Variants in NTRK2 observed in about 807,000 individuals in gnomAD.
NTRK2 encodes neurotrophic receptor tyrosine kinase 2, also known as BDNF/NT-3 growth factors receptor.
A neutral mutation model predicts 94.5 loss-of-function variants in NTRK2; 13 were observed. That is an observed-to-expected ratio of 0.14 (90% CI 0.09 to 0.22). The LOEUF is 0.22. NTRK2 is among the 10% of genes least tolerant of loss of function. The pLI is 1.00. For synonymous variants in NTRK2, 372 were observed against 407.4 expected, an observed-to-expected ratio of 0.91 and a Z score of 1.05; for missense variants, 639 against 1,071.2, an observed-to-expected ratio of 0.60 and a Z score of 5.63.
intron 2 of NTRK2, among the ~76,000 whole-genome samples, chr9:84,692,835 C>T (rs2060133715): frequency 7.2e-6 from 1 of 139,680 alleles, no homozygotes; most frequent in East Asian, 2.1e-4. Flanking sequence ...TTAGAGATTG[C>T]TATGCATGGG....
At position 84,768,884 on chromosome 9, in the gene NTRK2, G is replaced by T. The variant is rs1374560464; in HGVS notation, c.1396+16799G>T. Among the ~76,000 whole-genome samples the T allele has an allele frequency of 3.9e-5, 6 of 152,230 alleles. No homozygotes were observed. The East Asian group carries it at 1.2e-3, about 29-fold the overall frequency. On this transcript the variant is annotated intron_variant, in intron 12 of 18. Transcript: ENST00000277120. ...TGGATAAACCAATGTAACAGGACTG[G>T]TTCTGAGGGCAGGCCAGGGTGATAG...
intron 17 of NTRK2, among the ~76,000 whole-genome samples, chr9:84,972,368 C>T (rs1181920717): frequency 5.9e-5 from 9 of 152,116 alleles, no homozygotes; most frequent in Admixed American, 5.9e-4. Context: ...GTAGGTTTTC[C>T]ATCTTCTATT....
intron 14 of NTRK2, among the ~76,000 whole-genome samples, chr9:84,885,761 C>G (rs1226033246): frequency 6.6e-6 from 1 of 152,196 alleles, no homozygotes; most frequent in Non-Finnish European, 1.5e-5. Context: ...GGCCTGGTGG[C>G]TCACGCCTGT....
At chr9:84,875,351 C>G in intron 14 of NTRK2, 12 of 1,060,694 alleles carry the variant, frequency 1.1e-5, no homozygotes, top group Non-Finnish European at 1.4e-5. Flanking sequence ...GTCAGACTCT[C>G]ATATGGTAAG....
chr9:84,846,838 T>C (rs1461004300), intron 12 of NTRK2, among the ~76,000 whole-genome samples: 2 of 152,206 alleles, frequency 1.3e-5, no homozygotes, highest in Admixed American at 1.3e-4. Flanking sequence ...ATTTATCTAG[T>C]ACCCTCAAGA....
chr9:84,761,479 AATAT>A (rs2065559837), intron 12 of NTRK2, among the ~76,000 whole-genome samples: 1 of 152,168 alleles, frequency 6.6e-6, no homozygotes, highest in African/African-American at 2.4e-5. Context: ...AAAGACCAGA[AATAT>A]TATAATAGTA....
rs1832923955 is a variant in NTRK2, at chr9:85,024,263, C to G, written c.*2826C>G. On this transcript the variant is annotated 3_prime_UTR_variant, in exon 19 of 19. Transcript: ENST00000277120. ...ATTCATTGTTGTTCCTCCACCACCC[C>G]CTTTCTCATGGTCTGATTTTTAGAA... The G allele has an allele frequency of 4.3e-6, 1 of 232,720 alleles. No individual in the cohort carries two copies. The highest frequency in any genetic ancestry group is 8.5e-6 in the Non-Finnish European group (1 of 117,794). The allele number at this position is 232,720 out of a possible 1,614,324, so 14.4% of individuals were successfully genotyped here.
rs151333862 is a variant in NTRK2 at position 84,919,731 on chromosome 9, T to C, written c.1634-14431T>C. ...ACCAGGAAAATATATCTGTGAGCCA[T>C]TGTGTAATCTTGAGGGCCAAATTGC... On this transcript the variant is annotated intron_variant, in intron 14 of 18. Transcript: ENST00000277120. 3.2e-4 allele frequency among the ~76,000 whole-genome samples: 48 copies of C among 152,310 alleles called. 1 individual carries two copies. In the East Asian group the frequency reaches 7.5e-3, roughly 24 times the overall value.
chr9:84,838,426 G>GA (rs2073995002), intron 12 of NTRK2, among the ~76,000 whole-genome samples: 1 of 151,992 alleles, frequency 6.6e-6, no homozygotes, highest in Non-Finnish European at 1.5e-5. Flanking sequence ...ACAATGTTAA[G>GA]AAAAAATGTA....
intron 15 of NTRK2, among the ~76,000 whole-genome samples, chr9:84,935,179 T>C (rs1456012889): frequency 6.6e-6 from 1 of 152,146 alleles, no homozygotes; most frequent in East Asian, 1.9e-4. Flanking sequence ...ATGTAAGTTC[T>C]TGACATAATA....
At chr9:84,813,034 G>T in intron 12 of NTRK2, 2 of 1,036,544 alleles carry the variant, frequency 1.9e-6, no homozygotes, top group South Asian at 9.2e-5. Context: ...TCATCATTTT[G>T]CTTTTTATGT....
At chr9:85,013,300 G>C (rs1831838389) in intron 17 of NTRK2, among the ~76,000 whole-genome samples, 1 of 152,116 alleles carries the variant, frequency 6.6e-6, no homozygotes, top group African/African-American at 2.4e-5. Flanking sequence ...AGATTTTTGT[G>C]GACATTGTTT....
chr9:85,002,808 G>A (rs1219407768), intron 17 of NTRK2, among the ~76,000 whole-genome samples: 1 of 152,210 alleles, frequency 6.6e-6, no homozygotes, highest in African/African-American at 2.4e-5. Flanking sequence ...AGGGACAGCA[G>A]GAACAGAGAA....
At chr9:84,978,905 C>T (rs528922349) in intron 17 of NTRK2, among the ~76,000 whole-genome samples, 1 of 152,260 alleles carries the variant, frequency 6.6e-6, no homozygotes, top group East Asian at 1.9e-4. Context: ...AACAACAAAG[C>T]CTGGATGACA....
At chr9:84,799,979 G>A (rs2070197913) in intron 12 of NTRK2, among the ~76,000 whole-genome samples, 1 of 152,150 alleles carries the variant, frequency 6.6e-6, no homozygotes, top group South Asian at 2.1e-4. Flanking sequence ...GAAATTGACT[G>A]AATCTTCTGA....
At chr9:84,821,815 T>TAGAGAGAGAG (rs55923826) in intron 12 of NTRK2, among the ~76,000 whole-genome samples, 172 of 147,468 alleles carry the variant, frequency 1.2e-3, no homozygotes, top group African/African-American at 3.6e-3. Flanking sequence ...GGGAGAGAAG[T>TAGAGAGAGAG]AGAGAGAGAG....
intron 17 of NTRK2, among the ~76,000 whole-genome samples, chr9:85,015,403 A>C (rs775967622): frequency 3.3e-5 from 5 of 152,234 alleles, no homozygotes; most frequent in Non-Finnish European, 7.3e-5. Context: ...GACTGTTTCC[A>C]TCTGTCTCAT....
At chr9:84,687,882 A>G (rs1344061210) in intron 2 of NTRK2, among the ~76,000 whole-genome samples, 1 of 152,094 alleles carries the variant, frequency 6.6e-6, no homozygotes, top group Non-Finnish European at 1.5e-5. Context: ...CCCCAGTCAG[A>G]TGGCCCTACC....
At chr9:84,777,714 C>T (rs2132965353) in intron 12 of NTRK2, among the ~76,000 whole-genome samples, 1 of 152,208 alleles carries the variant, frequency 6.6e-6, no homozygotes, top group Non-Finnish European at 1.5e-5. Flanking sequence ...CAAAAAAGTC[C>T]TGAAAATTAG....
Sources: allele counts gnomAD v4.1 joint callset (sites outside exome capture counted in the v4.1 genomes callset), GRCh38; gene constraint gnomAD v4.1.1; transcripts MANE v1.5; gene names NCBI Gene and HGNC (gene_info 2026-07-23, HGNC 2026-07-21).